The following DSE variants were observed in gnomAD, a reference collection of about 807,000 sequenced individuals.
The protein encoded by DSE is dermatan sulfate epimerase.
Under a neutral mutation model 84.4 loss-of-function variants are expected in DSE, and 36 were observed. The ratio of observed to expected loss-of-function variants is 0.43; its 90% CI spans 0.33 to 0.56. The LOEUF is 0.56. Among genes scored for constraint, DSE ranks in the 20% least tolerant of loss-of-function variants. The pLI is 0.06. For missense variants in DSE, 862 were observed against 1,169.6 expected, an observed-to-expected ratio of 0.74 and a Z score of 3.84; for synonymous variants, 410 against 430.1, an observed-to-expected ratio of 0.95 and a Z score of 0.58.
intron 2 of DSE, among the ~76,000 whole-genome samples, chr6:116,270,739 A>G (rs1310729505): frequency 6.6e-6 from 1 of 152,222 alleles, no homozygotes; most frequent in East Asian, 1.9e-4. Context: ...TTCAACTAAG[A>G]TCAAGCTATT....
At position 116,308,884 on chromosome 6, in the gene DSE, G is replaced by A. The variant is rs567745814; in HGVS notation, c.-54+49917G>A. Among the ~76,000 whole-genome samples, 90 of 152,068 alleles carry A rather than the reference G, an allele frequency of 5.9e-4. No individual in the cohort carries two copies. In the South Asian group the frequency reaches 0.018, roughly 31 times the overall value. On this transcript the variant is annotated intron_variant, in intron 2 of 3. Transcript: ENST00000430252. ...ATTACAGGTGTGAGCCACAGTGCCC[G>A]GCCTTGTTGCATTCTTTTGAAAATG...
chr6:116,402,274 T>G (rs554504383), intron 2 of DSE, among the ~76,000 whole-genome samples: 21 of 152,304 alleles, frequency 1.4e-4, no homozygotes, highest in Non-Finnish European at 1.3e-4. Flanking sequence ...ACTTAAACAT[T>G]TGTATCATGC....
At chr6:116,293,067 T>G (rs958782111) in intron 2 of DSE, among the ~76,000 whole-genome samples, 2 of 152,126 alleles carry the variant, frequency 1.3e-5, no homozygotes, top group African/African-American at 4.8e-5. Context: ...AAAATATTTT[T>G]CAGACAAACA....
At chr6:116,406,575 G>A (rs535822396) in intron 2 of DSE, among the ~76,000 whole-genome samples, 1 of 152,270 alleles carries the variant, frequency 6.6e-6, no homozygotes, top group Admixed American at 6.5e-5. Context: ...TAAGATGTAG[G>A]GTCTTGCTGA....
intron 2 of DSE, among the ~76,000 whole-genome samples, chr6:116,299,929 G>T (rs1774932840): frequency 6.6e-6 from 1 of 152,126 alleles, no homozygotes; most frequent in African/African-American, 2.4e-5. Context: ...CTGGCTGTGG[G>T]CAAGGATAAC....
At chr6:116,338,175 C>CTCTTTCTTTCTTTCTTTCTT (rs1175457799) in intron 2 of DSE, among the ~76,000 whole-genome samples, 5 of 122,870 alleles carry the variant, frequency 4.1e-5, no homozygotes, top group African/African-American at 1.4e-4. Context: ...CTGTCTCTTT[C>CTCTTTCTTTCTTTCTTTCTT]TCTTTCTTTC....
intron 2 of DSE, among the ~76,000 whole-genome samples, chr6:116,335,420 T>C (rs543913674): frequency 6.6e-6 from 1 of 152,278 alleles, no homozygotes; most frequent in Admixed American, 6.5e-5. Flanking sequence ...AAATAACTCA[T>C]GAGTACTAGG....
At chr6:116,408,133 T>C (rs893059371) in intron 2 of DSE, among the ~76,000 whole-genome samples, 1 of 152,220 alleles carries the variant, frequency 6.6e-6, no homozygotes. Context: ...ATTTAATTCA[T>C]TGGTTTGCAG....
intron 1 of DSE, among the ~76,000 whole-genome samples, chr6:116,375,349 A>G (rs971625069): frequency 2.0e-5 from 3 of 152,204 alleles, no homozygotes; most frequent in Non-Finnish European, 4.4e-5. Context: ...TAGTATGTTT[A>G]ATTGAAATAA....
At chr6:116,412,223 A>G (rs776753046) in intron 2 of DSE, among the ~76,000 whole-genome samples, 1 of 152,144 alleles carries the variant, frequency 6.6e-6, no homozygotes, top group Non-Finnish European at 1.5e-5. Flanking sequence ...TTCAAAGACA[A>G]ACAAAATTGT....
At chr6:116,431,468 A>G (rs773362943) in intron 4 of DSE, among the ~76,000 whole-genome samples, 1 of 152,038 alleles carries the variant, frequency 6.6e-6, no homozygotes, top group African/African-American at 2.4e-5. Flanking sequence ...TTTTTTTTAT[A>G]TATCCAAACT....
At chr6:116,300,088 T>C (rs1237252683) in intron 2 of DSE, among the ~76,000 whole-genome samples, 2 of 152,200 alleles carry the variant, frequency 1.3e-5, no homozygotes, top group Non-Finnish European at 2.9e-5. Flanking sequence ...GGAAGATGTA[T>C]ATAGTAGTAA....
chr6:116,338,989 T>G (rs993429817), intron 2 of DSE, among the ~76,000 whole-genome samples: 2 of 152,202 alleles, frequency 1.3e-5, no homozygotes, highest in African/African-American at 4.8e-5. Flanking sequence ...TTTCTCTTAT[T>G]TGTCTCATGC....
At chr6:116,377,061 C>G (rs1583128062) in intron 1 of DSE, among the ~76,000 whole-genome samples, 1 of 152,178 alleles carries the variant, frequency 6.6e-6, no homozygotes, top group Admixed American at 6.5e-5. Flanking sequence ...TATAAATTAG[C>G]ATTCATGCTC....
At chr6:116,393,197 G>C (rs1433359749) in intron 1 of DSE, among the ~76,000 whole-genome samples, 3 of 152,180 alleles carry the variant, frequency 2.0e-5, no homozygotes, top group Admixed American at 2.0e-4. Flanking sequence ...AGAAAATTTA[G>C]TTAATAGCTC....
At position 116,370,950 on chromosome 6, in the gene DSE, A is replaced by G; in HGVS notation, c.-225A>G. 2.0e-6 allele frequency: 2 copies of G among 984,850 alleles called. No homozygotes were observed. Among genetic ancestry groups the G allele is most frequent in the South Asian group, 4.7e-5 (1 of 21,264 alleles). The allele number at this position is 984,850 out of a possible 1,614,324, so 61.0% of individuals were successfully genotyped here. On this transcript the variant is annotated 5_prime_UTR_variant, in exon 1 of 6. Transcript: ENST00000644252. Reference sequence around the variant, plus strand: ...CGCCCCCGCCGGCCCGGCTCTCAGTAGCGTCGCCCGAGGCTGCAGCAGCGC... The same window carrying G: ...CGCCCCCGCCGGCCCGGCTCTCAGTGGCGTCGCCCGAGGCTGCAGCAGCGC...
intron 1 of DSE, among the ~76,000 whole-genome samples, chr6:116,387,285 G>T (rs1780634273): frequency 6.6e-6 from 1 of 151,992 alleles, no homozygotes; most frequent in Non-Finnish European, 1.5e-5. Context: ...GCAGAGTAAT[G>T]AAACAGTACT....
Position 116,437,827 on chromosome 6 carries a change from G to C in DSE, c.*482G>C, listed in dbSNP as rs1183519148. On this transcript the variant is annotated 3_prime_UTR_variant, in exon 6 of 6. Transcript: ENST00000644252. ...GATAAATGTTGCTAAGTCCTGGTAT[G>C]ATGGTGTGAGCTTCCTTGGGGAAGT... 1.3e-5 allele frequency: 2 copies of C among 152,400 alleles called. No individual in the cohort carries two copies. Among genetic ancestry groups the C allele is most frequent in the African/African-American group, 4.8e-5 (2 of 41,458 alleles). 9.4% of individuals were successfully genotyped at this position (152,400 alleles called of 1,614,324 possible).
In DSE at chr6:116,254,267, G is replaced by C. The variant is rs1182884303; in HGVS notation, c.-604G>C. 5 of 674,676 alleles carry C rather than the reference G, an allele frequency of 7.4e-6. No homozygotes were observed. In the East Asian group the frequency reaches 1.4e-4, roughly 20 times the overall value. The allele number at this position is 674,676 out of a possible 1,614,324, so 41.8% of individuals were successfully genotyped here. On this transcript the variant is annotated 5_prime_UTR_variant, in exon 1 of 4. Coordinates refer to the DSE transcript ENST00000430252. ...AGTCTGGAAGGGGAGTTTTACTTAC[G>C]TAAATGGATGTAGACCAGACTCAAG...
Sources: gnomAD v4.1 joint callset for allele counts (sites outside exome capture counted in the v4.1 genomes callset) on GRCh38, gnomAD v4.1.1 for gene constraint, MANE v1.5 for transcripts, NCBI Gene and HGNC (gene_info 2026-07-23, HGNC 2026-07-21) for gene names.